Variants in ANKRD13B observed in about 807,000 individuals in gnomAD.
ANKRD13B encodes the protein ankyrin repeat domain-containing protein 13B.
Under a neutral mutation model 74.4 loss-of-function variants are expected in ANKRD13B, and 33 were observed. The observed-to-expected ratio is 0.44, with a 90% CI of 0.34 to 0.59. The LOEUF (loss-of-function observed/expected upper bound fraction) is 0.59, where lower values mean the gene tolerates loss of function less well. Among genes scored for constraint, ANKRD13B ranks in the 20% least tolerant of loss-of-function variants. ANKRD13B has a pLI of 0.02. For missense variants in ANKRD13B, 676 were observed against 877.9 expected, an observed-to-expected ratio of 0.77 and a Z score of 2.91; for synonymous variants, 341 against 362.9, an observed-to-expected ratio of 0.94 and a Z score of 0.68.
Position 29,608,797 on chromosome 17 carries a change from C to G in ANKRD13B, c.422-54C>G. 6.2e-7 allele frequency: 1 copy of G among 1,608,566 alleles called. No individual in the cohort carries two copies. The highest frequency in any genetic ancestry group is 2.2e-5 in the East Asian group (1 of 44,722). The stretch of plus-strand genomic sequence containing the variant: ...CCAAACCCCATGCCCTGAGCTGGTC[C>G]AGGCCGTGTAGGCCAGACCAGTCAA... On this transcript the variant is annotated intron_variant, in intron 4 of 14. Coordinates refer to ENST00000394859, the MANE Select transcript of ANKRD13B (RefSeq NM_152345.5). This position sits in a 1 kb window ranked among gnomAD's most constrained non-coding sequence, Gnocchi z 6.4.
At position 29,612,159 on chromosome 17, in the gene ANKRD13B, C is replaced by G. The variant is rs766005708; in HGVS notation, c.1144C>G (p.Leu382Val). Residue 382 changes from leucine to valine, a missense_variant, in exon 11 of 15, where the codon CTG becomes GTG. Physicochemically the swap from Leu to Val is conservative, Grantham distance 32. Transcript: ENST00000394859. The surrounding 1 kb of genome is among the most constrained non-coding windows in gnomAD (Gnocchi z 6.1). The stretch of plus-strand genomic sequence containing the variant: ...GCTGTGTGAGGAGCATCCCCTGTCC[C>G]TGTGTGAGCAGGTGGCCCCCATCAT... The part of the protein sequence containing the change: ...LWLCEEHPLS[L>V]CEQVAPIIDL... 1 of 1,614,150 alleles carries G rather than the reference C, an allele frequency of 6.2e-7. No individual in the cohort carries two copies. The highest frequency in any genetic ancestry group is 8.5e-7 in the Non-Finnish European group (1 of 1,180,036).
At position 29,612,991 on chromosome 17, in the gene ANKRD13B, C is replaced by A; in HGVS notation, c.1652+28C>A. 1.3e-6 allele frequency: 2 copies of A among 1,587,228 alleles called. No homozygotes were observed. The highest frequency in any genetic ancestry group is 1.7e-6 in the Non-Finnish European group (2 of 1,174,498). ...CAGTGCCCGCTGGGCCGGAGAGAATCCTCCGGAGAGGATCCTGTCTCCCCT... is the reference window on the plus strand; with the variant it reads ...CAGTGCCCGCTGGGCCGGAGAGAATACTCCGGAGAGGATCCTGTCTCCCCT... On this transcript the variant is annotated intron_variant, in intron 14 of 14. Transcript: ENST00000394859. This position sits in a 1 kb window ranked among gnomAD's most constrained non-coding sequence, Gnocchi z 6.1.
chr17:29,605,797 C>T (rs2034349739), intron 1 of ANKRD13B, among the ~76,000 whole-genome samples: 1 of 152,072 alleles, frequency 6.6e-6, no homozygotes, highest in Non-Finnish European at 1.5e-5. Flanking sequence ...ATAATTTTCT[C>T]ATTGTTTATG....
intron 1 of ANKRD13B, 28 bp from the exon 2 acceptor site, chr17:29,607,714 T>C: frequency 6.3e-7 from 1 of 1,585,326 alleles, no homozygotes; most frequent in Non-Finnish European, 8.5e-7. Context: ...GACTGGGGCT[T>C]TATCTTCCAC....
intron 7 of ANKRD13B, 48 bp from the exon 8 acceptor site, chr17:29,610,637 A>C (rs765050919): frequency 6.3e-7 from 1 of 1,578,616 alleles, no homozygotes; most frequent in Admixed American, 1.7e-5. Flanking sequence ...GGTAAGACAC[A>C]GGGTAAGACC....
chr17:29,593,715 A>G lies in ANKRD13B; in HGVS notation c.94A>G (p.Lys32Glu), dbSNP rs1598590197. The change falls in exon 1 of 15, where the codon AAG becomes GAG. Residue 32 changes from lysine to glutamate, a missense_variant. This residue lies in a region of ANKRD13B where 88 missense variants were observed against 87.8 expected (regional missense o/e 1.00). Transcript: ENST00000394859. Reference protein sequence around the residue: ...VWHNRHRELEKEVRAGQVDIE... With the variant: ...VWHNRHRELEEEVRAGQVDIE... ...GCACAACCGCCACCGCGAGCTGGAG[A>G]AGGAGGTCCGCGCGGGCCAGGTAGG... 8 of 1,431,016 alleles carry G rather than the reference A, an allele frequency of 5.6e-6. No individual in the cohort carries two copies. The highest frequency in any genetic ancestry group is 5.1e-5 in the Admixed American group (2 of 39,080). 88.6% of individuals were successfully genotyped at this position (1,431,016 alleles called of 1,614,324 possible). A position where few individuals can be genotyped will look rare whatever the true frequency, so the allele number is the denominator to read the frequency against.
chr17:29,607,660 G>A (rs1396550816), intron 1 of ANKRD13B, 82 bp from the exon 2 acceptor site: 31 of 1,512,612 alleles, frequency 2.0e-5, no homozygotes, highest in Non-Finnish European at 2.7e-5. Flanking sequence ...GGGGGTTGCT[G>A]CCTGCTCCAG....
rs559369654 is a variant in ANKRD13B, at chr17:29,602,945, G to A, written c.115-4797G>A. 6.5e-4 allele frequency among the ~76,000 whole-genome samples: 99 copies of A among 152,186 alleles called. 1 individual carries two copies. In the South Asian group the frequency reaches 6.6e-3, roughly 10 times the overall value. On this transcript the variant is annotated intron_variant, in intron 1 of 14. Coordinates refer to ENST00000394859, the MANE Select transcript of ANKRD13B (RefSeq NM_152345.5). ...CGGCTCATTGCAACCTCCCCTTCCCGGGTTCAAGCGATTCTCCTGCCTCAG... is the reference window on the plus strand; with the variant it reads ...CGGCTCATTGCAACCTCCCCTTCCCAGGTTCAAGCGATTCTCCTGCCTCAG...
In ANKRD13B at chr17:29,609,278, G is replaced by C. The variant is rs375446982; in HGVS notation, c.755+3G>C. 6 of 1,612,964 alleles carry C rather than the reference G, an allele frequency of 3.7e-6. No individual in the cohort carries two copies. In the South Asian group the frequency reaches 6.6e-5, roughly 18 times the overall value. On this transcript the variant is annotated splice_donor_region_variant and intron_variant, in intron 6 of 14. Coordinates refer to ENST00000394859, the MANE Select transcript of ANKRD13B (RefSeq NM_152345.5). This position sits in a 1 kb window ranked among gnomAD's most constrained non-coding sequence, Gnocchi z 4.0. ...ACCAAGAATATCTCCTTTGAGAGGT[G>C]GGTGGACATGGCCTTGGTCACCCTT...
chr17:29,605,724 C>T (rs923159456), intron 1 of ANKRD13B, among the ~76,000 whole-genome samples: 15 of 152,154 alleles, frequency 9.9e-5, no homozygotes, highest in African/African-American at 3.6e-4. Context: ...CAACCTTTGC[C>T]TCCCAAATTG....
intron 1 of ANKRD13B, 48 bp downstream of exon 1, chr17:29,593,783 C>T: frequency 8.3e-7 from 1 of 1,198,480 alleles, no homozygotes; most frequent in Non-Finnish European, 1.1e-6. Context: ...CCGGGCACGC[C>T]CGTCCGGCCT....
In ANKRD13B at chr17:29,612,875, G is replaced by A. The variant is rs777225369; in HGVS notation, c.1576-12G>A. The A allele has an allele frequency of 3.1e-6, 5 of 1,599,178 alleles. No homozygotes were observed. The African/African-American group carries it at 5.3e-5, about 17-fold the overall frequency. ...CCGCGCCGCCACGGCTAACGCCCAC[G>A]CCTCCCCGCAGGTCACCATCTGGGA... On this transcript the variant is annotated splice_polypyrimidine_tract_variant and intron_variant, in intron 13 of 14. Transcript: ENST00000394859. This position sits in a 1 kb window ranked among gnomAD's most constrained non-coding sequence, Gnocchi z 6.1.
chr17:29,598,915 A>T (rs2034055280), intron 1 of ANKRD13B, among the ~76,000 whole-genome samples: 1 of 151,920 alleles, frequency 6.6e-6, no homozygotes, highest in African/African-American at 2.4e-5. Context: ...TCAGCCTAGT[A>T]CTCTATGCAT....
chr17:29,594,526 G>T (rs752479337), intron 1 of ANKRD13B, among the ~76,000 whole-genome samples: 2 of 152,296 alleles, frequency 1.3e-5, no homozygotes, highest in East Asian at 1.9e-4. Context: ...ATGTCTTCTG[G>T]CCATGCTTCA....
intron 1 of ANKRD13B, among the ~76,000 whole-genome samples, chr17:29,596,015 A>C (rs1433713233): frequency 1.3e-5 from 2 of 152,172 alleles, no homozygotes; most frequent in Non-Finnish European, 2.9e-5. Context: ...GAACCCTGGC[A>C]TCCCAGCCAG....
intron 7 of ANKRD13B, 93 bp from the exon 8 acceptor site, chr17:29,610,592 C>T (rs1325423858): frequency 9.1e-7 from 1 of 1,096,924 alleles, no homozygotes; most frequent in Non-Finnish European, 1.3e-6. Context: ...TCTCCAGGAC[C>T]CTTTGCTACA....
At chr17:29,613,108 C>T (rs2034661926) in intron 14 of ANKRD13B, 145 bp downstream of exon 14, 4 of 1,234,152 alleles carry the variant, frequency 3.2e-6, no homozygotes, top group South Asian at 1.4e-5. Flanking sequence ...GCCTCCGAGG[C>T]GGCAGGCAGG....
intron 14 of ANKRD13B, 158 bp downstream of exon 14, chr17:29,613,121 T>C: frequency 1.7e-6 from 2 of 1,195,914 alleles, no homozygotes; most frequent in South Asian, 2.9e-5. Flanking sequence ...CAGGCAGGGG[T>C]CAGGGATCCA....
chr17:29,598,830 C>T (rs773577688), intron 1 of ANKRD13B, among the ~76,000 whole-genome samples: 24 of 152,190 alleles, frequency 1.6e-4, no homozygotes, highest in African/African-American at 2.2e-4. Context: ...GGATTACAGA[C>T]GTGAGCCCCC....
Sources: allele counts gnomAD v4.1 joint callset (sites outside exome capture counted in the v4.1 genomes callset), GRCh38; gene constraint gnomAD v4.1.1; regional missense constraint gnomAD v4.1.1; non-coding constraint Gnocchi (gnomAD v3.1); transcripts MANE v1.5; gene names NCBI Gene and HGNC (gene_info 2026-07-23, HGNC 2026-07-21).